Variants in CCDC40 observed in about 807,000 individuals in gnomAD.
CCDC40 encodes coiled-coil domain-containing protein 40.
A neutral mutation model predicts 124.5 loss-of-function variants in CCDC40; 104 were observed. The observed-to-expected ratio is 0.84, with a 90% CI of 0.71 to 0.98. CCDC40 has a LOEUF of 0.98. Ranked by LOEUF, CCDC40 falls within the 50% of genes least tolerant of loss-of-function variation. CCDC40 has a pLI of 0.00. For missense variants in CCDC40, 1,463 were observed against 1,503.9 expected (o/e 0.97, Z 0.45); for synonymous variants, 580 against 602.9 (o/e 0.96, Z 0.56).
intron 3 of CCDC40, among the ~76,000 whole-genome samples, chr17:80,044,737 A>ATATATATC (rs1568671789): frequency 1.4e-5 from 2 of 139,128 alleles, no homozygotes; most frequent in East Asian, 2.0e-4. Context: ...ATATATATAT[A>ATATATATC]TCTCAACAAC....
At chr17:80,039,654 C>T (rs2037221852) in intron 2 of CCDC40, among the ~76,000 whole-genome samples, 158 bp from the exon 3 acceptor site, 1 of 151,992 alleles carries the variant, frequency 6.6e-6, no homozygotes, top group South Asian at 2.1e-4. Context: ...TCGTGATCTG[C>T]CTGCCTCAGC....
chr17:80,094,894 A>G (rs1025717182), intron 17 of CCDC40, among the ~76,000 whole-genome samples: 1 of 151,990 alleles, frequency 6.6e-6, no homozygotes, highest in African/African-American at 2.4e-5. Context: ...CAACTAAGAA[A>G]TTAACCTTCA....
At chr17:80,095,573 C>T (rs2038796885) in intron 18 of CCDC40, 122 bp downstream of exon 18, 1 of 898,688 alleles carries the variant, frequency 1.1e-6, no homozygotes, top group Non-Finnish European at 1.7e-6. Context: ...GGGGCGTGCT[C>T]AGCACTGCTA....
At position 80,066,334 on chromosome 17, in the gene CCDC40, C is replaced by T; in HGVS notation, c.1562+728C>T. 1 of 583,434 alleles carries T rather than the reference C, an allele frequency of 1.7e-6. No homozygotes were observed. The highest frequency in any genetic ancestry group is 3.1e-6 in the Non-Finnish European group (1 of 325,022). 36.1% of individuals were successfully genotyped at this position (583,434 alleles called of 1,614,324 possible). A position where few individuals can be genotyped will look rare whatever the true frequency, so the allele number is the denominator to read the frequency against. Reference sequence around the variant, plus strand: ...CCCACAGCACCCGCAGCCAGGCAGCCAGCAGCAGTCACACAACCAGGAGAT... The same window carrying T: ...CCCACAGCACCCGCAGCCAGGCAGCTAGCAGCAGTCACACAACCAGGAGAT... On this transcript the variant is annotated intron_variant, in intron 10 of 19. Coordinates refer to ENST00000397545, the MANE Select transcript of CCDC40 (RefSeq NM_017950.4). This position sits in a 1 kb window ranked among gnomAD's most constrained non-coding sequence, Gnocchi z 4.4.
intron 3 of CCDC40, among the ~76,000 whole-genome samples, chr17:80,046,457 CA>C (rs1366046236): frequency 6.6e-6 from 1 of 151,782 alleles, no homozygotes; most frequent in East Asian, 1.9e-4. Flanking sequence ...CACCGGAGCC[CA>C]GAAGTTGGGG....
Position 80,086,451 on chromosome 17 carries a change from C to T in CCDC40, c.2449+235C>T, listed in dbSNP as rs2038591007. ...AGAAATGTCACGAAATGGCTCCAAG[C>T]TCACGGACTTCAGAGCTCTCCTTGA... On this transcript the variant is annotated intron_variant, in intron 14 of 19. Coordinates refer to ENST00000397545, the MANE Select transcript of CCDC40 (RefSeq NM_017950.4). The surrounding 1 kb of genome is among the most constrained non-coding windows in gnomAD (Gnocchi z 5.5). The T allele has an allele frequency of 3.9e-6, 2 of 517,974 alleles. No individual in the cohort carries two copies. Among genetic ancestry groups the T allele is most frequent in the Non-Finnish European group, 7.0e-6 (2 of 284,300 alleles). The allele number at this position is 517,974 out of a possible 1,614,324, so 32.1% of individuals were successfully genotyped here.
chr17:80,082,321 C>T (rs1387304827), intron 12 of CCDC40, among the ~76,000 whole-genome samples: 3 of 124,824 alleles, frequency 2.4e-5, no homozygotes, highest in Admixed American at 9.0e-5. Flanking sequence ...GTGACTTCGA[C>T]GTCCATGGCA....
chr17:80,039,112 G>A (rs2037205192), intron 2 of CCDC40, among the ~76,000 whole-genome samples: 1 of 152,052 alleles, frequency 6.6e-6, no homozygotes, highest in Non-Finnish European at 1.5e-5. Context: ...CACGCCTGTG[G>A]TCCCGGCACT....
chr17:80,062,915 G>A lies in CCDC40; in HGVS notation c.1441-2570G>A, dbSNP rs529956859. On this transcript the variant is annotated intron_variant, in intron 9 of 19. Transcript: ENST00000397545. ...ACAATACATTAATTTTTAATATGGC[G>A]GGGCATGGTGGCTCACACCTGTAAT... 3.5e-3 allele frequency among the ~76,000 whole-genome samples: 539 copies of A among 152,120 alleles called. 1 individual carries two copies. The highest frequency in any genetic ancestry group is 0.012 in the African/African-American group (513 of 41,494).
intron 7 of CCDC40, among the ~76,000 whole-genome samples, chr17:80,050,695 C>T (rs1432945268): frequency 1.3e-5 from 2 of 152,190 alleles, no homozygotes; most frequent in Admixed American, 6.5e-5. Context: ...TCGCCTGCCT[C>T]GGCCTCCCAA....
At chr17:80,083,485 G>A (rs953321817) in intron 12 of CCDC40, among the ~76,000 whole-genome samples, 7 of 152,192 alleles carry the variant, frequency 4.6e-5, no homozygotes, top group Non-Finnish European at 8.8e-5. Context: ...AGCCACAGTC[G>A]TGAGAGAGCC....
rs778572911 is a variant in CCDC40, at chr17:80,050,164, A to G, written c.1040A>G (p.Lys347Arg). The G allele has an allele frequency of 5.0e-6, 8 of 1,613,594 alleles. 1 individual carries two copies. The highest frequency in any genetic ancestry group is 4.0e-5 in the African/African-American group (3 of 75,046). Reference protein sequence around the residue: ...HLVHLQKLLEKSHDRHAMASS... With the variant: ...HLVHLQKLLERSHDRHAMASS... The stretch of plus-strand genomic sequence containing the variant: ...GTACACCTGCAGAAGCTGCTGGAGA[A>G]GAGTCACGACCGCCACGCAATGGCC... The change falls in exon 7 of 20, where the codon AAG becomes AGG. Residue 347 changes from lysine (K) to arginine (R), a missense_variant. By Grantham distance (26) the Lys-to-Arg change is conservative. Transcript: ENST00000397545.
intron 3 of CCDC40, among the ~76,000 whole-genome samples, chr17:80,043,725 C>G (rs1395111523): frequency 6.6e-6 from 1 of 151,218 alleles, no homozygotes; most frequent in Non-Finnish European, 1.5e-5. Flanking sequence ...TACCATGATA[C>G]CCAGGCTGGT....
Position 80,092,843 on chromosome 17 carries a change from C to T in CCDC40, c.2833-2420C>T, listed in dbSNP as rs117690684. Among the ~76,000 whole-genome samples, 28 of 152,304 alleles carry T rather than the reference C, an allele frequency of 1.8e-4. No homozygotes were observed. In the East Asian group the frequency reaches 4.4e-3, roughly 24 times the overall value. ...GGAGCCTCTGCCTAGCTGAAGGTCA[C>T]GAAGAGCTTCTCTTCTGTTTTCTTC... On this transcript the variant is annotated intron_variant, in intron 17 of 19. Transcript: ENST00000397545.
At chr17:80,037,354 G>T (rs2037106566) in intron 1 of CCDC40, among the ~76,000 whole-genome samples, 1 of 152,142 alleles carries the variant, frequency 6.6e-6, no homozygotes. Flanking sequence ...AGAAACGATT[G>T]GAAAGAGTTT....
chr17:80,091,041 G>A lies in CCDC40; in HGVS notation c.2832+1157G>A, dbSNP rs766847125. On this transcript the variant is annotated intron_variant, in intron 17 of 19. Transcript: ENST00000397545. ...CCGGCTCCCCCTCCTCAGCCAGGGCGACTGTGTCAGCCGCTGCAGGGATAA... is the reference window on the plus strand; with the variant it reads ...CCGGCTCCCCCTCCTCAGCCAGGGCAACTGTGTCAGCCGCTGCAGGGATAA... 3.3e-4 allele frequency among the ~76,000 whole-genome samples: 51 copies of A among 152,280 alleles called. No individual in the cohort carries two copies. The Middle Eastern group carries it at 0.01, about 30-fold the overall frequency.
chr17:80,044,717 AT>A (rs397856398), intron 3 of CCDC40, among the ~76,000 whole-genome samples: 3,663 of 40,588 alleles, frequency 0.09, 72 homozygotes, highest in Admixed American at 0.24. Context: ...AAAAAAAAAA[AT>A]ATATATATAT....
intron 10 of CCDC40, among the ~76,000 whole-genome samples, chr17:80,071,099 C>G (rs915157493): frequency 4.6e-5 from 7 of 152,222 alleles, no homozygotes; most frequent in African/African-American, 1.7e-4. Context: ...CCCTTCCCAT[C>G]ACATACGCAG....
At chr17:80,095,242 C>T (rs756172348) in intron 17 of CCDC40, 21 bp from the exon 18 acceptor site, 1 of 1,612,698 alleles carries the variant, frequency 6.2e-7, no homozygotes, top group Admixed American at 1.7e-5. Flanking sequence ...CCAGCCCCAG[C>T]CCCTCTGTCC....
Sources: allele counts gnomAD v4.1 joint callset (sites outside exome capture counted in the v4.1 genomes callset), GRCh38; gene constraint gnomAD v4.1.1; non-coding constraint Gnocchi (gnomAD v3.1); transcripts MANE v1.5; gene names NCBI Gene and HGNC (gene_info 2026-07-23, HGNC 2026-07-21).